Variants in INPP5B observed in about 807,000 individuals in gnomAD.
INPP5B encodes inositol polyphosphate-5-phosphatase B, also known as type II inositol 1,4,5-trisphosphate 5-phosphatase.
INPP5B carries 90 observed loss-of-function variants against 118.5 expected under a neutral mutation model. The observed-to-expected ratio is 0.76, with a 90% CI of 0.64 to 0.90. INPP5B has a LOEUF of 0.90. Ranked by LOEUF, INPP5B falls within the 40% of genes least tolerant of loss-of-function variation. The pLI, the probability that INPP5B is intolerant of heterozygous loss-of-function variation, is 0.00. For synonymous variants in INPP5B, 385 were observed against 418.9 expected (o/e 0.92, Z 0.99); for missense variants, 984 against 1,125.6 (o/e 0.87, Z 1.80).
At chr1:37,946,169 A>T in intron 2 of INPP5B, 83 bp downstream of exon 2, 1 of 1,284,798 alleles carries the variant, frequency 7.8e-7, no homozygotes, top group Non-Finnish European at 1.1e-6. Context: ...GGGGCAGGAG[A>T]GGGGATAGAC....
At chr1:37,887,550 C>T (rs1344750479) in intron 10 of INPP5B, 85 bp from the exon 11 acceptor site, 19 of 729,658 alleles carry the variant, frequency 2.6e-5, no homozygotes, top group African/African-American at 5.3e-5. Flanking sequence ...TGCATAAGCC[C>T]TAGCTTTCTA....
At chr1:37,899,370 C>A (rs759638319) in intron 7 of INPP5B, among the ~76,000 whole-genome samples, 2 of 151,770 alleles carry the variant, frequency 1.3e-5, no homozygotes, top group African/African-American at 4.8e-5. Flanking sequence ...TCGAGACCAG[C>A]CTGACCAACA....
intron 16 of INPP5B, among the ~76,000 whole-genome samples, chr1:37,877,763 C>A (rs944098375): frequency 1.3e-5 from 2 of 152,106 alleles, no homozygotes; most frequent in African/African-American, 4.8e-5. Context: ...ACTTTGCAAC[C>A]TTTAAAAATA....
At position 37,888,305 on chromosome 1, in the gene INPP5B, G is replaced by T. The variant is rs772927000; in HGVS notation, c.837C>A (p.Pro279=). Reference sequence around the variant, plus strand: ...TCAGCCACAGCCGGAGGCATTCTTTGGGGGACTGCCCATTTACATTGTATG... The same window carrying T: ...TCAGCCACAGCCGGAGGCATTCTTTTGGGGACTGCCCATTTACATTGTATG... ...AGTYNVNGQS[P]KECLRLWLSN... is the part of the protein sequence containing the mutation. Residue 279 remains proline, a synonymous_variant, in exon 10 of 24, where the codon CCC becomes CCA. Transcript: ENST00000373024. 3.2e-6 allele frequency: 5 copies of T among 1,577,136 alleles called. No homozygotes were observed. Among genetic ancestry groups the T allele is most frequent in the Non-Finnish European group, 2.6e-6 (3 of 1,161,594 alleles).
chr1:37,888,409 T>G, intron 9 of INPP5B, 65 bp from the exon 10 acceptor site: 12 of 902,160 alleles, frequency 1.3e-5, no homozygotes, highest in Non-Finnish European at 1.9e-5. Context: ...GAAAGCATTT[T>G]ATGCTGATTT....
At chr1:37,933,077 A>G (rs1241583519) in intron 6 of INPP5B, among the ~76,000 whole-genome samples, 9 of 152,200 alleles carry the variant, frequency 5.9e-5, no homozygotes, top group Non-Finnish European at 1.5e-5. Context: ...GACATGATAT[A>G]TGAGAAGACT....
rs753565968 is a variant in INPP5B at position 37,862,370 on chromosome 1, G to A, written c.2687C>T (p.Thr896Ile). ...AAATTCTTGAGCCTTCTTCTTCTCT[G>A]TCATATCAAGCTTTTGGTGACCAGC... is the stretch of plus-strand genomic sequence containing the variant. ...NPAGHQKLDM[T>I]EKKKAQEFIH... Residue 896 changes from threonine (T) to isoleucine (I), a missense_variant, in exon 24 of 24, where the codon ACA (threonine) becomes ATA (isoleucine). Around this residue, in one of 2 missense-constraint regions of INPP5B, gnomAD observed 634 missense variants for 791.0 expected, o/e 0.80. Transcript: ENST00000373024. 1.2e-6 allele frequency: 2 copies of A among 1,614,040 alleles called. No individual in the cohort carries two copies. Among genetic ancestry groups the A allele is most frequent in the South Asian group, 2.2e-5 (2 of 91,086 alleles).
chr1:37,892,082 G>A (rs929925986), intron 7 of INPP5B, among the ~76,000 whole-genome samples: 1 of 152,148 alleles, frequency 6.6e-6, no homozygotes, highest in African/African-American at 2.4e-5. Flanking sequence ...TTTATCACCT[G>A]CTTTATTATT....
At position 37,889,774 on chromosome 1, in the gene INPP5B, A is replaced by G. The variant is rs200946721; in HGVS notation, c.630-50T>C. On this transcript the variant is annotated intron_variant, in intron 8 of 23. Coordinates refer to ENST00000373024, the MANE Select transcript of INPP5B (RefSeq NM_005540.3). ...CATATGTGGATGAGTCCCCATGGCAAAATGAATGAATACAAAGCTAAAAGT... is the reference window on the plus strand; with the variant it reads ...CATATGTGGATGAGTCCCCATGGCAGAATGAATGAATACAAAGCTAAAAGT... 5 of 1,410,192 alleles carry G rather than the reference A, an allele frequency of 3.5e-6. No homozygotes were observed. In the East Asian group the frequency reaches 9.2e-5, roughly 26 times the overall value. The allele number at this position is 1,410,192 out of a possible 1,614,324, so 87.4% of individuals were successfully genotyped here. A position where few individuals can be genotyped will look rare whatever the true frequency, so the allele number is the denominator to read the frequency against.
chr1:37,889,809 C>A, intron 8 of INPP5B, 85 bp from the exon 9 acceptor site: 1 of 1,007,816 alleles, frequency 9.9e-7, no homozygotes, highest in Non-Finnish European at 1.5e-6. Context: ...TTCCCCTATA[C>A]AAGCATCTAA....
chr1:37,879,829 T>C (rs1449228697), intron 15 of INPP5B, among the ~76,000 whole-genome samples: 1 of 152,150 alleles, frequency 6.6e-6, no homozygotes, highest in Non-Finnish European at 1.5e-5. Flanking sequence ...GTTGGAATCA[T>C]CTCATCCTAG....
At chr1:37,895,464 A>G (rs1037363698) in intron 7 of INPP5B, among the ~76,000 whole-genome samples, 6 of 152,076 alleles carry the variant, frequency 3.9e-5, no homozygotes, top group Non-Finnish European at 8.8e-5. Context: ...TATCTCTTAA[A>G]AAATAATAAA....
At chr1:37,898,644 G>A (rs1376324794) in intron 7 of INPP5B, among the ~76,000 whole-genome samples, 6 of 151,256 alleles carry the variant, frequency 4.0e-5, no homozygotes, top group Admixed American at 2.6e-4. Context: ...GCAGTGAGCC[G>A]AGATCGCGCC....
chr1:37,870,983 C>T (rs1176886417), intron 19 of INPP5B, among the ~76,000 whole-genome samples: 2 of 151,532 alleles, frequency 1.3e-5, no homozygotes, highest in Non-Finnish European at 2.9e-5. Flanking sequence ...GGCGAAACCC[C>T]GTCTCTACTA....
intron 7 of INPP5B, among the ~76,000 whole-genome samples, chr1:37,898,201 A>G (rs1644194260): frequency 1.3e-5 from 2 of 152,228 alleles, no homozygotes; most frequent in Admixed American, 1.3e-4. Context: ...GATTCCAATT[A>G]CACAACATTC....
intron 16 of INPP5B, among the ~76,000 whole-genome samples, chr1:37,877,001 G>A (rs866779023): frequency 2.0e-4 from 31 of 152,000 alleles, no homozygotes; most frequent in African/African-American, 7.5e-4. Context: ...GCCGCAGTTC[G>A]CTGTGACTGT....
At chr1:37,894,263 G>A (rs529287398) in intron 7 of INPP5B, among the ~76,000 whole-genome samples, 1 of 152,170 alleles carries the variant, frequency 6.6e-6, no homozygotes, top group Non-Finnish European at 1.5e-5. Flanking sequence ...TATCTTAGAG[G>A]TCATTTCCTC....
chr1:37,866,049 G>T, intron 21 of INPP5B, 161 bp from the exon 22 acceptor site: 1 of 757,194 alleles, frequency 1.3e-6, no homozygotes, highest in Non-Finnish European at 1.6e-6. Flanking sequence ...TGTTTGTCAG[G>T]TGAGCCAGGC....
At chr1:37,944,803 G>C (rs61118018) in intron 3 of INPP5B, among the ~76,000 whole-genome samples, 4 of 151,198 alleles carry the variant, frequency 2.6e-5, no homozygotes, top group African/African-American at 2.4e-5. Context: ...GGCGGGGTAG[G>C]GGGGGCGGTC....
Sources: allele counts gnomAD v4.1 joint callset (sites outside exome capture counted in the v4.1 genomes callset), GRCh38; gene constraint gnomAD v4.1.1; regional missense constraint gnomAD v4.1.1; transcripts MANE v1.5; gene names NCBI Gene and HGNC (gene_info 2026-07-23, HGNC 2026-07-21).